Variants in ACACB observed in about 807,000 individuals in gnomAD.
The protein encoded by ACACB is acetyl-CoA carboxylase beta.
ACACB carries 209 observed loss-of-function variants against 278.8 expected under a neutral mutation model. That is an observed-to-expected ratio of 0.75 (90% CI 0.67 to 0.84). ACACB has a LOEUF of 0.84. Ranked by LOEUF, ACACB falls within the 40% of genes least tolerant of loss-of-function variation. ACACB has a pLI of 0.00. For missense variants in ACACB, 2,850 were observed against 3,269.0 expected (o/e 0.87, Z 3.13); for synonymous variants, 1,174 against 1,285.6 (o/e 0.91, Z 1.86).
intron 1 of ACACB, among the ~76,000 whole-genome samples, chr12:109,117,911 T>C (rs1202271566): frequency 2.0e-5 from 3 of 152,196 alleles, no homozygotes; most frequent in African/African-American, 7.2e-5. Context: ...CACGCCCGGC[T>C]AATTTTTTTT....
rs1235258070 is a variant in ACACB at position 109,139,879 on chromosome 12, G to A, written c.474G>A (p.Lys158=). ...SKEDKKQANI[K]RQLMTNFILG... ...AAGACAAGAAGCAGGCAAACATCAA[G>A]AGGCAGCTGATGACCAACTTCATCC... is the stretch of plus-strand genomic sequence containing the variant. The change falls in exon 2 of 53, where the codon AAG becomes AAA. Residue 158 remains lysine, a synonymous_variant. Transcript: ENST00000338432. 1 of 1,614,198 alleles carries A rather than the reference G, an allele frequency of 6.2e-7. No homozygotes were observed. Among genetic ancestry groups the A allele is most frequent in the East Asian group, 2.2e-5 (1 of 44,884 alleles).
intron 11 of ACACB, among the ~76,000 whole-genome samples, chr12:109,180,358 TC>T (rs1468221495): frequency 1.3e-5 from 2 of 152,216 alleles, no homozygotes; most frequent in Non-Finnish European, 2.9e-5. Context: ...ACATTTTATA[TC>T]CTAATCCCTG....
At chr12:109,161,194 C>T (rs2043711573) in intron 2 of ACACB, among the ~76,000 whole-genome samples, 1 of 152,190 alleles carries the variant, frequency 6.6e-6, no homozygotes, top group African/African-American at 2.4e-5. Context: ...ATCACTCAGT[C>T]AGATTCGCTT....
At chr12:109,117,679 T>A (rs983112372) in intron 1 of ACACB, among the ~76,000 whole-genome samples, 2 of 152,230 alleles carry the variant, frequency 1.3e-5, no homozygotes, top group African/African-American at 4.8e-5. Context: ...TTTTTTAATA[T>A]CAATGGGCAT....
intron 14 of ACACB, 34 bp from the exon 15 acceptor site, chr12:109,191,813 C>T: frequency 6.2e-7 from 1 of 1,614,140 alleles, no homozygotes; most frequent in South Asian, 1.1e-5. Context: ...GAGACCTCGG[C>T]TTCCTGAGGA....
chr12:109,138,873 C>A (rs900829185), intron 1 of ACACB, among the ~76,000 whole-genome samples: 42 of 152,096 alleles, frequency 2.8e-4, no homozygotes, highest in African/African-American at 2.4e-4. Flanking sequence ...AACAAAAAAA[C>A]CCCAGCTTTA....
intron 48 of ACACB, among the ~76,000 whole-genome samples, chr12:109,261,322 C>G (rs1000975669): frequency 6.6e-6 from 1 of 152,162 alleles, no homozygotes; most frequent in African/African-American, 2.4e-5. Flanking sequence ...GTATGCCAGC[C>G]ATTCTGGTAG....
At chr12:109,210,825 A>C (rs2045822693) in intron 21 of ACACB, among the ~76,000 whole-genome samples, 1 of 151,554 alleles carries the variant, frequency 6.6e-6, no homozygotes, top group Admixed American at 6.6e-5. Context: ...GAGGCAGGAG[A>C]ATTGCTTGAA....
Position 109,139,664 on chromosome 12 carries a change from C to A in ACACB, c.259C>A (p.Arg87=). The stretch of plus-strand genomic sequence containing the variant: ...CCACAAAGGCCCCAAAGATGCCGGT[C>A]GGCGGAGAAACTCCCTACCACCCTC... ...ASHKGPKDAG[R]RRNSLPPSHQ... Residue 87 remains arginine, a synonymous_variant, in exon 2 of 53, where the codon CGG becomes AGG. Coordinates refer to ENST00000338432, the MANE Select transcript of ACACB (RefSeq NM_001093.4). 6.2e-7 allele frequency: 1 copy of A among 1,614,084 alleles called. No homozygotes were observed. The highest frequency in any genetic ancestry group is 8.5e-7 in the Non-Finnish European group (1 of 1,179,984).
chr12:109,221,265 G>GA (rs372834255), intron 24 of ACACB, among the ~76,000 whole-genome samples: 5 of 152,100 alleles, frequency 3.3e-5, no homozygotes, highest in Non-Finnish European at 1.5e-5. Context: ...AACACATGTA[G>GA]AAAAAAATGC....
At chr12:109,198,436 C>G (rs1190454739) in intron 17 of ACACB, among the ~76,000 whole-genome samples, 2 of 152,180 alleles carry the variant, frequency 1.3e-5, no homozygotes, top group Non-Finnish European at 2.9e-5. Context: ...AAGACTGGTT[C>G]TTACTCTGTT....
At chr12:109,223,026 C>A in intron 26 of ACACB, 114 bp downstream of exon 26, 1 of 826,164 alleles carries the variant, frequency 1.2e-6, no homozygotes, top group Non-Finnish European at 2.0e-6. Context: ...GTGCAGGGCA[C>A]AGCCACAGAT....
chr12:109,251,990 T>TG, intron 41 of ACACB, 56 bp from the exon 42 acceptor site: 1 of 1,351,994 alleles, frequency 7.4e-7, no homozygotes. Context: ...TTCCCTGCTG[T>TG]GGGGGGTGGG....
chr12:109,121,178 G>T (rs1242384931), intron 1 of ACACB, among the ~76,000 whole-genome samples: 6 of 152,190 alleles, frequency 3.9e-5, no homozygotes, highest in Admixed American at 3.3e-4. Flanking sequence ...GACCTCAAGT[G>T]ATCTGCCCGC....
chr12:109,171,888 G>A lies in ACACB; in HGVS notation c.1009G>A (p.Asp337Asn). 1 of 1,614,116 alleles carries A rather than the reference G, an allele frequency of 6.2e-7. No individual in the cohort carries two copies. The highest frequency in any genetic ancestry group is 8.5e-7 in the Non-Finnish European group (1 of 1,180,010). Residue 337 changes from aspartate to asparagine, a missense_variant, in exon 5 of 53, where the codon GAC becomes AAC. Around this residue, in one of 3 missense-constraint regions of ACACB, gnomAD observed 2,265 missense variants for 2,561.3 expected, o/e 0.88. Transcript: ENST00000338432. ...NNYANVELIV[D>N]IAKRIPVQAV... ...CTATGCCAACGTGGAGCTGATTGTG[G>A]ACATTGCCAAGAGAATCCCCGTGCA... is the stretch of plus-strand genomic sequence containing the variant.
rs1250169428 is a variant in ACACB, at chr12:109,180,020, G to T, written c.1751G>T (p.Arg584Leu). ...TTCCACTTCTTGGAGCTGAATCCTC[G>T]CTTGCAGGTGGAACATCCCTGCACA... The part of the protein sequence containing the change: ...GSFHFLELNP[R>L]LQVEHPCTEM... Residue 584 changes from arginine (R) to leucine (L), a missense_variant, in exon 11 of 53, where the codon CGC becomes CTC. Arg to Leu is a moderately radical substitution (Grantham distance 102). Transcript: ENST00000338432. The T allele has an allele frequency of 6.2e-7, 1 of 1,613,422 alleles. No individual in the cohort carries two copies. Among genetic ancestry groups the T allele is most frequent in the African/African-American group, 1.3e-5 (1 of 74,896 alleles).
intron 37 of ACACB, among the ~76,000 whole-genome samples, chr12:109,244,892 A>C (rs577944966): frequency 1.8e-4 from 28 of 152,312 alleles, no homozygotes; most frequent in African/African-American, 6.7e-4. Flanking sequence ...TCTCTCAAAC[A>C]AAGAGGAGTA....
chr12:109,124,030 C>A (rs1291062406), intron 1 of ACACB, among the ~76,000 whole-genome samples: 1 of 151,926 alleles, frequency 6.6e-6, no homozygotes, highest in Non-Finnish European at 1.5e-5. Context: ...AGATGTCACA[C>A]TGTTTTGCCC....
At chr12:109,138,026 T>C (rs1337914398) in intron 1 of ACACB, among the ~76,000 whole-genome samples, 1 of 151,744 alleles carries the variant, frequency 6.6e-6, no homozygotes, top group Non-Finnish European at 1.5e-5. Context: ...GACTCCCGAG[T>C]AGCTGGAATT....
Sources: gnomAD v4.1 joint callset for allele counts (sites outside exome capture counted in the v4.1 genomes callset) on GRCh38, gnomAD v4.1.1 for gene constraint, gnomAD v4.1.1 regional missense constraint, MANE v1.5 for transcripts, NCBI Gene and HGNC (gene_info 2026-07-23, HGNC 2026-07-21) for gene names.